Variants in FOXP1 observed in about 807,000 individuals in gnomAD.
The protein encoded by FOXP1 is forkhead box protein P1.
Under a neutral mutation model 98.2 loss-of-function variants are expected in FOXP1, and 15 were observed. The observed-to-expected ratio is 0.15, with a 90% CI of 0.10 to 0.24. FOXP1 has a LOEUF of 0.24. Among genes scored for constraint, FOXP1 ranks in the 10% least tolerant of loss-of-function variants. FOXP1 has a pLI of 1.00. For missense variants in FOXP1, 633 were observed against 848.5 expected (o/e 0.75, Z 3.15); for synonymous variants, 371 against 314.5 (o/e 1.18, Z -1.90).
chr3:71,301,643 T>TC (rs1183528056), intron 4 of FOXP1, among the ~76,000 whole-genome samples: 2 of 152,196 alleles, frequency 1.3e-5, no homozygotes, highest in Non-Finnish European at 2.9e-5. Flanking sequence ...ACCTATAGTA[T>TC]TAGACTTTGC....
intron 2 of FOXP1, chr3:71,541,911 T>G: frequency 2.0e-6 from 1 of 499,666 alleles, no homozygotes; most frequent in African/African-American, 2.0e-5. Flanking sequence ...AAGTCAACAC[T>G]CGAGGTTTGA....
At chr3:70,963,373 G>A (rs2034017256) in intron 20 of FOXP1, among the ~76,000 whole-genome samples, 1 of 152,200 alleles carries the variant, frequency 6.6e-6, no homozygotes. Context: ...CAAACGTGTA[G>A]CACAAGCACA....
intron 3 of FOXP1, among the ~76,000 whole-genome samples, chr3:71,386,354 T>C (rs2080570527): frequency 6.6e-6 from 1 of 152,300 alleles, no homozygotes; most frequent in African/African-American, 2.4e-5. Flanking sequence ...AGAGTCTAAT[T>C]TGAAATCTTG....
At chr3:71,363,716 C>CGTTCATCA (rs1008125626) in intron 3 of FOXP1, among the ~76,000 whole-genome samples, 9 of 152,282 alleles carry the variant, frequency 5.9e-5, no homozygotes, top group African/African-American at 2.2e-4. Context: ...ACCAGCTAAA[C>CGTTCATCA]GTTCATCAAA....
At chr3:71,136,616 C>CT (rs2059830740) in intron 6 of FOXP1, among the ~76,000 whole-genome samples, 1 of 152,178 alleles carries the variant, frequency 6.6e-6, no homozygotes, top group Non-Finnish European at 1.5e-5. Flanking sequence ...TTTCATATTC[C>CT]TGTAATCAGC....
intron 7 of FOXP1, among the ~76,000 whole-genome samples, chr3:71,096,942 A>C (rs1376073400): frequency 6.6e-6 from 1 of 152,182 alleles, no homozygotes; most frequent in Non-Finnish European, 1.5e-5. Flanking sequence ...AACACAATGA[A>C]AAGGAAGGAA....
At chr3:71,115,439 C>T (rs1317913030) in intron 6 of FOXP1, among the ~76,000 whole-genome samples, 1 of 151,858 alleles carries the variant, frequency 6.6e-6, no homozygotes, top group Non-Finnish European at 1.5e-5. Context: ...CGGGTTCAAG[C>T]AATTCTCCTG....
Position 71,157,568 on chromosome 3 carries a change from T to C in FOXP1, c.180+40634A>G, listed in dbSNP as rs112297260. ...CTTTTAGAACACATCCTTTAACCTA[T>C]TGATTAAATAGGAGAGGAAAGGAAT... On this transcript the variant is annotated intron_variant, in intron 6 of 20. Coordinates refer to ENST00000649528, the MANE Select transcript of FOXP1 (RefSeq NM_001349338.3). 7.7e-4 allele frequency among the ~76,000 whole-genome samples: 118 copies of C among 152,292 alleles called. 1 individual carries two copies. Among genetic ancestry groups the C allele is most frequent in the African/African-American group, 2.1e-3 (88 of 41,590 alleles).
At chr3:71,452,175 C>G (rs918600991) in intron 3 of FOXP1, among the ~76,000 whole-genome samples, 1 of 152,104 alleles carries the variant, frequency 6.6e-6, no homozygotes, top group African/African-American at 2.4e-5. Flanking sequence ...TTTCTAATAC[C>G]TACCACTCTG....
intron 7 of FOXP1, among the ~76,000 whole-genome samples, chr3:71,081,732 A>G (rs1392205280): frequency 2.6e-5 from 4 of 152,232 alleles, no homozygotes; most frequent in Non-Finnish European, 5.9e-5. Context: ...TACTCACCAA[A>G]GGCACAAGAC....
intron 3 of FOXP1, among the ~76,000 whole-genome samples, chr3:71,434,631 G>GGTGTGTGTGT (rs55643841): frequency 0.011 from 1,633 of 142,324 alleles, 26 homozygotes; most frequent in African/African-American, 0.029. Context: ...GAGGGGATGG[G>GGTGTGTGTGT]GTGTGTGTGT....
chr3:71,494,477 C>T (rs374933000), intron 2 of FOXP1, among the ~76,000 whole-genome samples: 1 of 152,158 alleles, frequency 6.6e-6, no homozygotes. Context: ...GTTTTTCAAG[C>T]GCTTAGAATG....
At chr3:71,514,789 C>T (rs751609033) in intron 2 of FOXP1, among the ~76,000 whole-genome samples, 1 of 152,200 alleles carries the variant, frequency 6.6e-6, no homozygotes, top group South Asian at 2.1e-4. Context: ...TCAATGCTCT[C>T]GCCCACTGGG....
intron 2 of FOXP1, among the ~76,000 whole-genome samples, chr3:71,543,024 G>T (rs2045003174): frequency 6.6e-6 from 1 of 152,290 alleles, no homozygotes; most frequent in East Asian, 1.9e-4. Flanking sequence ...GCACAATACT[G>T]ACATAACATT....
At chr3:71,053,570 G>A (rs202246470) in intron 8 of FOXP1, 66 bp downstream of exon 8, 224 of 1,601,066 alleles carry the variant, frequency 1.4e-4, no homozygotes, top group Non-Finnish European at 1.8e-4. Flanking sequence ...GGGAGATTGC[G>A]AATGGAGTGA....
chr3:71,027,075 A>G (rs1251879261), intron 11 of FOXP1, among the ~76,000 whole-genome samples: 1 of 152,234 alleles, frequency 6.6e-6, no homozygotes, highest in Non-Finnish European at 1.5e-5. Context: ...ATGCTTTCCA[A>G]AAAGTGGTGT....
chr3:71,366,740 T>C (rs1298609045), intron 3 of FOXP1, among the ~76,000 whole-genome samples: 1 of 152,242 alleles, frequency 6.6e-6, no homozygotes, highest in Non-Finnish European at 1.5e-5. Flanking sequence ...GAGATTCATG[T>C]TATTTCTCAT....
At chr3:71,275,562 G>C (rs1202131823) in intron 5 of FOXP1, among the ~76,000 whole-genome samples, 1 of 152,192 alleles carries the variant, frequency 6.6e-6, no homozygotes, top group East Asian at 1.9e-4. Context: ...GCAGTTTTCT[G>C]ATAGGTTCAG....
chr3:71,225,590 C>T (rs1003544374), intron 5 of FOXP1, among the ~76,000 whole-genome samples: 5 of 152,140 alleles, frequency 3.3e-5, no homozygotes, highest in Non-Finnish European at 7.3e-5. Context: ...GTAAGATAAA[C>T]AGAGATTTGC....
Sources: gnomAD v4.1 joint callset for allele counts (sites outside exome capture counted in the v4.1 genomes callset) on GRCh38, gnomAD v4.1.1 for gene constraint, MANE v1.5 for transcripts, NCBI Gene and HGNC (gene_info 2026-07-23, HGNC 2026-07-21) for gene names.